DLG2: variants seen among roughly 807,000 people sequenced by gnomAD.
The protein encoded by DLG2 is discs large MAGUK scaffold protein 2.
A neutral mutation model predicts 132.5 loss-of-function variants in DLG2; 45 were observed. The ratio of observed to expected loss-of-function variants is 0.34; its 90% CI spans 0.27 to 0.44. The LOEUF (loss-of-function observed/expected upper bound fraction) is 0.44. Among genes scored for constraint, DLG2 ranks in the 20% least tolerant of loss-of-function variants. DLG2 has a pLI of 1.00. For missense variants in DLG2, 1,045 were observed against 1,196.9 expected (o/e 0.87, Z 1.87); for synonymous variants, 424 against 419.6 (o/e 1.01, Z -0.13).
At chr11:83,900,399 C>A (rs11233795) in intron 15 of DLG2, among the ~76,000 whole-genome samples, 14 of 152,054 alleles carry the variant, frequency 9.2e-5, no homozygotes, top group Admixed American at 5.9e-4. Context: ...TGATGGCAGC[C>A]CCTCCCATCA....
In DLG2 at chr11:83,754,109, T is replaced by G. The variant is rs1024020061; in HGVS notation, c.1825+32581A>C. On this transcript the variant is annotated intron_variant, in intron 18 of 27. Coordinates refer to ENST00000376104, the MANE Select transcript of DLG2 (RefSeq NM_001142699.3). ...AGTTAAAAAATACTGGGTTTACAATTGGGGGAAATTTATCCTGAATTATCC... is the reference window on the plus strand; with the variant it reads ...AGTTAAAAAATACTGGGTTTACAATGGGGGGAAATTTATCCTGAATTATCC... 6.7e-5 allele frequency among the ~76,000 whole-genome samples: 10 copies of G among 150,316 alleles called. No individual in the cohort carries two copies. In the East Asian group the frequency reaches 1.9e-3, roughly 29 times the overall value.
Position 84,048,529 on chromosome 11 carries a change from C to G in DLG2, c.919+10786G>C, listed in dbSNP as rs117330147. The stretch of plus-strand genomic sequence containing the variant: ...TACCACTAGGAACTTGATCCCAGGA[C>G]ATGAGCCTGAATAAAAAGTAAACTG... On this transcript the variant is annotated intron_variant, in intron 11 of 27. Coordinates refer to ENST00000376104, the MANE Select transcript of DLG2 (RefSeq NM_001142699.3). Among the ~76,000 whole-genome samples, 819 of 151,786 alleles carry G rather than the reference C, an allele frequency of 5.4e-3. 5 individuals carry two copies. Among genetic ancestry groups the G allele is most frequent in the Non-Finnish European group, 8.0e-3 (543 of 67,748 alleles).
intron 9 of DLG2, among the ~76,000 whole-genome samples, chr11:84,153,802 G>T (rs2095363129): frequency 6.6e-6 from 1 of 152,044 alleles, no homozygotes; most frequent in Non-Finnish European, 1.5e-5. Flanking sequence ...TGTCATCCAG[G>T]CTTTGAATTC....
chr11:84,416,064 ATG>A (rs1438481506), intron 7 of DLG2, among the ~76,000 whole-genome samples: 3 of 152,084 alleles, frequency 2.0e-5, no homozygotes, highest in Admixed American at 6.6e-5. Flanking sequence ...CAAATTCTAA[ATG>A]TGTAGAACCT....
chr11:84,557,847 A>G (rs1053831457), intron 6 of DLG2, among the ~76,000 whole-genome samples: 9 of 152,074 alleles, frequency 5.9e-5, no homozygotes, highest in Admixed American at 1.3e-4. Flanking sequence ...TGCATCTTCA[A>G]TTTTTCTAGA....
In DLG2 at chr11:84,388,327, A is replaced by C. The variant is rs58752479; in HGVS notation, c.520-137036T>G. ...ATCTCAAAGAATCTATCAAAAAAAA[A>C]CCCACATCTATTCCATCTCTAATAA... is the stretch of plus-strand genomic sequence containing the variant. On this transcript the variant is annotated intron_variant, in intron 7 of 27. Transcript: ENST00000376104. Among the ~76,000 whole-genome samples the C allele has an allele frequency of 4.7e-3, 713 of 152,240 alleles. 14 individuals carry two copies. In the East Asian group the frequency reaches 0.066, roughly 14 times the overall value.
intron 7 of DLG2, among the ~76,000 whole-genome samples, chr11:84,320,769 G>C (rs10501558): frequency 0.23 from 34,568 of 152,066 alleles, 4,047 homozygotes; most frequent in East Asian, 0.32. Flanking sequence ...CCAAAACAGA[G>C]GATTTAATAG....
chr11:84,319,835 T>C (rs1009253452), intron 7 of DLG2, among the ~76,000 whole-genome samples: 21 of 152,228 alleles, frequency 1.4e-4, no homozygotes, highest in African/African-American at 5.1e-4. Flanking sequence ...TTATTAAGCT[T>C]ACTAAAAGAC....
chr11:83,523,003 T>C (rs897830268), intron 21 of DLG2, among the ~76,000 whole-genome samples: 2 of 152,160 alleles, frequency 1.3e-5, no homozygotes, highest in Non-Finnish European at 2.9e-5. Context: ...TTGCTAAGAG[T>C]CTGGCAATAA....
chr11:83,785,061 TA>T (rs1232393898), intron 18 of DLG2, among the ~76,000 whole-genome samples: 13 of 140,844 alleles, frequency 9.2e-5, no homozygotes, highest in African/African-American at 3.6e-4. Flanking sequence ...AATGGATACT[TA>T]TTTTTTTTTT....
chr11:84,093,759 C>T (rs780717130), intron 10 of DLG2, among the ~76,000 whole-genome samples: 4 of 151,924 alleles, frequency 2.6e-5, no homozygotes, highest in African/African-American at 7.2e-5. Context: ...GGATTACAGG[C>T]GCCCACCACA....
chr11:84,234,341 T>C (rs1225589616), intron 8 of DLG2, among the ~76,000 whole-genome samples: 1 of 152,198 alleles, frequency 6.6e-6, no homozygotes, highest in African/African-American at 2.4e-5. Flanking sequence ...CTTGCCTTGG[T>C]CCCTCCTTCT....
chr11:85,277,192 A>C (rs1406878571), intron 4 of DLG2, among the ~76,000 whole-genome samples: 1 of 152,172 alleles, frequency 6.6e-6, no homozygotes, highest in Non-Finnish European at 1.5e-5. Context: ...AAATAGTTTT[A>C]AAACTGTTAG....
intron 6 of DLG2, among the ~76,000 whole-genome samples, chr11:84,922,865 G>C (rs1317383978): frequency 6.9e-6 from 1 of 145,086 alleles, no homozygotes; most frequent in Non-Finnish European, 1.5e-5. Context: ...ATTACAAACA[G>C]TTAAACCTGA....
chr11:84,388,431 T>A (rs1475823433), intron 7 of DLG2, among the ~76,000 whole-genome samples: 2 of 152,114 alleles, frequency 1.3e-5, no homozygotes, highest in African/African-American at 4.8e-5. Flanking sequence ...TGGTTTGCCA[T>A]TTTTTATTGT....
intron 9 of DLG2, among the ~76,000 whole-genome samples, chr11:84,132,581 AC>A (rs1342456541): frequency 6.6e-6 from 1 of 152,008 alleles, no homozygotes; most frequent in African/African-American, 2.4e-5. Context: ...TTTATTGAGA[AC>A]CTACTATGTG....
intron 3 of DLG2, among the ~76,000 whole-genome samples, chr11:85,594,789 C>T (rs1440452223): frequency 6.6e-6 from 1 of 151,860 alleles, no homozygotes; most frequent in Non-Finnish European, 1.5e-5. Context: ...GATTCAAGGC[C>T]GGGCACGGTG....
intron 3 of DLG2, among the ~76,000 whole-genome samples, chr11:85,473,764 G>A (rs2093057664): frequency 6.6e-6 from 1 of 152,000 alleles, no homozygotes; most frequent in Non-Finnish European, 1.5e-5. Flanking sequence ...GTTAAATTTA[G>A]AATTTATTGA....
chr11:85,456,452 A>G (rs1419520162), intron 3 of DLG2, among the ~76,000 whole-genome samples: 1 of 152,078 alleles, frequency 6.6e-6, no homozygotes, highest in Non-Finnish European at 1.5e-5. Context: ...TGGTGTTTTC[A>G]CATCTCAAAT....
Sources: allele counts gnomAD v4.1 joint callset (sites outside exome capture counted in the v4.1 genomes callset), GRCh38; gene constraint gnomAD v4.1.1; transcripts MANE v1.5; gene names NCBI Gene and HGNC (gene_info 2026-07-23, HGNC 2026-07-21).